Variants in RBFOX1 observed in about 807,000 individuals in gnomAD.
RBFOX1 encodes the protein RNA binding fox-1 homolog 1.
In RBFOX1, 8 loss-of-function variants were observed where a neutral mutation model predicts 57.7. That is an observed-to-expected ratio of 0.14 (90% CI 0.08 to 0.25). The LOEUF (loss-of-function observed/expected upper bound fraction) is 0.25. Among genes scored for constraint, RBFOX1 ranks in the 10% least tolerant of loss-of-function variants. The pLI is 1.00. For synonymous variants in RBFOX1, 326 were observed against 222.4 expected (o/e 1.47, Z -4.15); for missense variants, 611 against 548.5 (o/e 1.11, Z -1.14).
chr16:6,025,471 G>A (rs112956182), intron 1 of RBFOX1, among the ~76,000 whole-genome samples: 60 of 152,216 alleles, frequency 3.9e-4, no homozygotes, highest in African/African-American at 1.4e-3. Flanking sequence ...TCTTTCTCTG[G>A]GGCCTCCCTT....
At chr16:7,390,168 A>T (rs1378854174) in intron 4 of RBFOX1, among the ~76,000 whole-genome samples, 1 of 152,208 alleles carries the variant, frequency 6.6e-6, no homozygotes, top group Admixed American at 6.5e-5. Context: ...TCAAAAGAAC[A>T]GCAAGGGGGA....
At chr16:5,914,912 AAAAC>A in intron 4 of RBFOX1, among the ~76,000 whole-genome samples, 1 of 151,944 alleles carries the variant, frequency 6.6e-6, no homozygotes. Context: ...AAACAAAACA[AAAAC>A]AAAAAAAAAG....
chr16:6,998,713 G>A (rs1263361995), intron 3 of RBFOX1, among the ~76,000 whole-genome samples: 2 of 152,036 alleles, frequency 1.3e-5, no homozygotes, highest in Non-Finnish European at 2.9e-5. Context: ...ATGGCTACAG[G>A]TTGTCTTGTA....
chr16:6,439,010 G>A (rs2094308828), intron 2 of RBFOX1, among the ~76,000 whole-genome samples: 1 of 152,136 alleles, frequency 6.6e-6, no homozygotes, highest in African/African-American at 2.4e-5. Flanking sequence ...AGAATAGCCT[G>A]GTTTTCTGTG....
At chr16:6,491,654 C>G (rs1462728740) in intron 2 of RBFOX1, among the ~76,000 whole-genome samples, 4 of 152,112 alleles carry the variant, frequency 2.6e-5, no homozygotes, top group African/African-American at 9.7e-5. Context: ...GCATTATTGG[C>G]CTGAATATTT....
intron 4 of RBFOX1, among the ~76,000 whole-genome samples, chr16:5,926,751 G>A (rs2058948282): frequency 6.6e-6 from 1 of 152,094 alleles, no homozygotes; most frequent in Non-Finnish European, 1.5e-5. Context: ...CTCTGAAGGG[G>A]GTCCCTACAT....
At chr16:5,543,551 C>G (rs940533031) in intron 2 of RBFOX1, among the ~76,000 whole-genome samples, 11 of 152,032 alleles carry the variant, frequency 7.2e-5, no homozygotes, top group Admixed American at 3.3e-4. Context: ...GGAACAAGTT[C>G]AAGGAATTTA....
At chr16:5,671,391 A>G (rs189387159) in intron 3 of RBFOX1, among the ~76,000 whole-genome samples, 25 of 152,308 alleles carry the variant, frequency 1.6e-4, no homozygotes, top group African/African-American at 4.3e-4. Context: ...GTTCTTTTCT[A>G]TACACTTCAC....
intron 1 of RBFOX1, among the ~76,000 whole-genome samples, chr16:6,020,766 G>A (rs1246504050): frequency 6.6e-6 from 1 of 152,132 alleles, no homozygotes; most frequent in African/African-American, 2.4e-5. Flanking sequence ...GGCTAGTGGG[G>A]CGCCGCTCCC....
intron 1 of RBFOX1, among the ~76,000 whole-genome samples, chr16:6,220,311 C>T (rs2097364250): frequency 6.6e-6 from 1 of 152,066 alleles, no homozygotes; most frequent in Admixed American, 6.6e-5. Context: ...AATGCAGATA[C>T]ATGTTCATTT....
chr16:7,299,557 T>C (rs2095981035), intron 4 of RBFOX1, among the ~76,000 whole-genome samples: 6 of 152,210 alleles, frequency 3.9e-5, no homozygotes, highest in Admixed American at 3.9e-4. Flanking sequence ...CGAAGCCCTT[T>C]ACTCTGAAAA....
At chr16:7,707,058 G>T (rs2082690065) in intron 14 of RBFOX1, among the ~76,000 whole-genome samples, 2 of 152,194 alleles carry the variant, frequency 1.3e-5, no homozygotes. Context: ...ATGACTGTCA[G>T]TTTCACTGAC....
chr16:5,976,309 A>T (rs1267419734), intron 4 of RBFOX1, among the ~76,000 whole-genome samples: 1 of 152,242 alleles, frequency 6.6e-6, no homozygotes, highest in Admixed American at 6.5e-5. Flanking sequence ...TTAGGAAAAC[A>T]TCAGGATGAA....
At chr16:5,872,982 C>G (rs1473963269) in intron 4 of RBFOX1, among the ~76,000 whole-genome samples, 2 of 151,874 alleles carry the variant, frequency 1.3e-5, no homozygotes, top group African/African-American at 4.8e-5. Flanking sequence ...GAAGTACTAT[C>G]TCTATTAAAA....
intron 2 of RBFOX1, among the ~76,000 whole-genome samples, chr16:6,624,818 C>T (rs1255234170): frequency 1.3e-5 from 2 of 152,096 alleles, no homozygotes; most frequent in African/African-American, 4.8e-5. Context: ...GAATACTTAG[C>T]ACATACCATG....
intron 3 of RBFOX1, among the ~76,000 whole-genome samples, chr16:5,820,136 T>C (rs1156692268): frequency 6.6e-6 from 1 of 152,214 alleles, no homozygotes; most frequent in Non-Finnish European, 1.5e-5. Context: ...AGGAAGTGGT[T>C]GTTGCTGTCA....
At chr16:7,026,066 G>T (rs1175734178) in intron 3 of RBFOX1, among the ~76,000 whole-genome samples, 3 of 152,202 alleles carry the variant, frequency 2.0e-5, no homozygotes, top group African/African-American at 7.2e-5. Context: ...CGCAGCTGCT[G>T]TGTCCAGGCT....
intron 3 of RBFOX1, among the ~76,000 whole-genome samples, chr16:5,633,460 C>G (rs915940480): frequency 1.3e-5 from 2 of 152,202 alleles, no homozygotes; most frequent in Admixed American, 1.3e-4. Context: ...AGCAACGACT[C>G]TCTACCCAAT....
chr16:5,678,004 A>C (rs1487883080), intron 3 of RBFOX1, among the ~76,000 whole-genome samples: 1 of 152,226 alleles, frequency 6.6e-6, no homozygotes, highest in African/African-American at 2.4e-5. Context: ...GTGTGTGTAC[A>C]TATTTCAGCT....
Sources: gnomAD v4.1 joint callset for allele counts (sites outside exome capture counted in the v4.1 genomes callset) on GRCh38, gnomAD v4.1.1 for gene constraint, MANE v1.5 for transcripts, NCBI Gene and HGNC (gene_info 2026-07-23, HGNC 2026-07-21) for gene names.